Variants in DDX42 observed in about 807,000 individuals in gnomAD.
DDX42 encodes the protein DEAD-box helicase 42, also known as ATP-dependent RNA helicase DDX42.
In DDX42, 22 loss-of-function variants were observed where a neutral mutation model predicts 101.5. The ratio of observed to expected loss-of-function variants is 0.22; its 90% CI spans 0.15 to 0.31. The LOEUF (loss-of-function observed/expected upper bound fraction) is 0.31, where lower values mean the gene tolerates loss of function less well. Among genes scored for constraint, DDX42 ranks in the 10% least tolerant of loss-of-function variants. The pLI is 1.00. For missense variants in DDX42, 849 were observed against 1,199.9 expected, an observed-to-expected ratio of 0.71 and a Z score of 4.32; for synonymous variants, 402 against 401.2, an observed-to-expected ratio of 1.00 and a Z score of -0.02.
At chr17:63,808,340 A>G (rs1191488984) in intron 9 of DDX42, among the ~76,000 whole-genome samples, 1 of 151,974 alleles carries the variant, frequency 6.6e-6, no homozygotes, top group African/African-American at 2.4e-5. Context: ...CACCTGGCTA[A>G]TTTTTTTATT....
intron 2 of DDX42, among the ~76,000 whole-genome samples, chr17:63,791,735 G>A (rs9915552): frequency 0.7 from 106,609 of 152,110 alleles, 38,805 homozygotes; most frequent in African/African-American, 0.92. Flanking sequence ...GAATAAACTG[G>A]ATTTCTAATG....
chr17:63,809,577 T>C lies in DDX42; in HGVS notation c.1170T>C (p.His390=), dbSNP rs2039884249. 1.2e-6 allele frequency: 2 copies of C among 1,613,964 alleles called. No individual in the cohort carries two copies. The highest frequency in any genetic ancestry group is 1.7e-6 in the Non-Finnish European group (2 of 1,179,886). Residue 390 remains histidine (H), a synonymous_variant, in exon 11 of 18, where the codon CAT becomes CAC. Coordinates refer to ENST00000389924, the MANE Select transcript of DDX42 (RefSeq NM_203499.3). ...VVCTPGRLID[H]VKKKATNLQR... ...TCTTATAGGGTCGACTGATAGATCATGTGAAAAAGAAAGCTACCAATCTTC... is the reference window on the plus strand; with the variant it reads ...TCTTATAGGGTCGACTGATAGATCACGTGAAAAAGAAAGCTACCAATCTTC...
At chr17:63,811,009 A>C in intron 12 of DDX42, 67 bp from the exon 13 acceptor site, 1 of 1,321,894 alleles carries the variant, frequency 7.6e-7, no homozygotes, top group Non-Finnish European at 1.1e-6. Flanking sequence ...TGAATGCCAA[A>C]GAAGCTTAAT....
At chr17:63,801,183 G>A (rs950450710) in intron 6 of DDX42, among the ~76,000 whole-genome samples, 1 of 151,874 alleles carries the variant, frequency 6.6e-6, no homozygotes, top group Admixed American at 6.6e-5. Flanking sequence ...CTGGGTAACT[G>A]GGATTACAGG....
At chr17:63,802,754 T>C (rs965952404) in intron 6 of DDX42, among the ~76,000 whole-genome samples, 1 of 151,698 alleles carries the variant, frequency 6.6e-6, no homozygotes, top group Non-Finnish European at 1.5e-5. Context: ...CTACTAAAAA[T>C]ACAGAATTAG....
At chr17:63,778,517 G>A (rs2039448046) in intron 1 of DDX42, among the ~76,000 whole-genome samples, 1 of 152,160 alleles carries the variant, frequency 6.6e-6, no homozygotes, top group African/African-American at 2.4e-5. Flanking sequence ...TGAACTCTGA[G>A]TATGGCTGCA....
At chr17:63,781,125 G>A (rs1287586607) in intron 1 of DDX42, among the ~76,000 whole-genome samples, 1 of 152,010 alleles carries the variant, frequency 6.6e-6, no homozygotes, top group Non-Finnish European at 1.5e-5. Flanking sequence ...CTACTTACTT[G>A]CCAGGTACTC....
At chr17:63,776,671 G>A (rs1598318397) in intron 1 of DDX42, among the ~76,000 whole-genome samples, 1 of 134,994 alleles carries the variant, frequency 7.4e-6, no homozygotes, top group Non-Finnish European at 1.5e-5. Context: ...TGGCTGTGTT[G>A]CCCAGGCTGG....
intron 2 of DDX42, among the ~76,000 whole-genome samples, chr17:63,787,609 C>T (rs901873275): frequency 6.6e-6 from 1 of 152,010 alleles, no homozygotes; most frequent in African/African-American, 2.4e-5. Context: ...GAGGCCGAGA[C>T]GGATGGATCA....
intron 1 of DDX42, among the ~76,000 whole-genome samples, chr17:63,781,166 C>T (rs994973111): frequency 2.0e-5 from 3 of 152,160 alleles, no homozygotes; most frequent in African/African-American, 7.2e-5. Context: ...TCCATTGAAA[C>T]TGCTTTCACT....
chr17:63,792,020 C>T (rs1442201397), intron 2 of DDX42, among the ~76,000 whole-genome samples: 1 of 150,430 alleles, frequency 6.6e-6, no homozygotes, highest in Non-Finnish European at 1.5e-5. Flanking sequence ...GCACTCCAGC[C>T]TGGGCGATGA....
intron 14 of DDX42, among the ~76,000 whole-genome samples, chr17:63,812,948 C>T (rs2039930058): frequency 6.6e-6 from 1 of 152,118 alleles, no homozygotes; most frequent in African/African-American, 2.4e-5. Flanking sequence ...TTGCTTGAAC[C>T]AGGGAGTCGG....
chr17:63,794,364 C>T (rs750242260), intron 3 of DDX42, among the ~76,000 whole-genome samples: 13 of 151,642 alleles, frequency 8.6e-5, no homozygotes, highest in African/African-American at 1.9e-4. Flanking sequence ...GGCAGCATAG[C>T]GAGTCCCTGT....
At chr17:63,773,960 G>C (rs572343166), upstream of DDX42, 50 of 188,470 alleles carry the variant, frequency 2.7e-4, 6 homozygotes, top group East Asian at 6.3e-3. Context: ...TGGGATTTTT[G>C]GCTAGCCCCT....
chr17:63,776,102 T>C (rs1168196133), intron 1 of DDX42: 1 of 152,270 alleles, frequency 6.6e-6, no homozygotes, highest in Non-Finnish European at 1.5e-5. Context: ...TCACTGTCAC[T>C]AGAACTCTTC....
chr17:63,813,096 A>G, intron 14 of DDX42, 132 bp from the exon 15 acceptor site: 1 of 744,858 alleles, frequency 1.3e-6, no homozygotes. Flanking sequence ...ACATGCCTGT[A>G]TCTCAGCTCA....
chr17:63,817,874 G>C lies in DDX42; in HGVS notation c.2293G>C (p.Gly765Arg), dbSNP rs767391712. 1.2e-6 allele frequency: 2 copies of C among 1,614,208 alleles called. No individual in the cohort carries two copies. ...PVTSAAKGIP[G>R]FGNTGNISGA... ...CACCAGTGCCGCCAAGGGCATCCCA[G>C]GCTTTGGCAATACTGGCAACATCAG... Residue 765 changes from glycine to arginine, a missense_variant, in exon 18 of 18, where the codon GGC (glycine) becomes CGC (arginine). This residue lies in a region of DDX42 where 300 missense variants were observed against 304.9 expected (regional missense o/e 0.98). Coordinates refer to ENST00000389924, the MANE Select transcript of DDX42 (RefSeq NM_203499.3).
At chr17:63,792,335 T>C (rs1026817497) in intron 2 of DDX42, 77 bp from the exon 3 acceptor site, 10 of 1,483,424 alleles carry the variant, frequency 6.7e-6, no homozygotes, top group Admixed American at 1.9e-5. Context: ...TATACCATAA[T>C]AAAAATGTTG....
At chr17:63,809,764 T>C in intron 11 of DDX42, 105 bp downstream of exon 11, 1 of 857,300 alleles carries the variant, frequency 1.2e-6, no homozygotes, top group Non-Finnish European at 1.9e-6. Flanking sequence ...CTAAAAATAC[T>C]CCTGGATGGG....
Sources: allele counts gnomAD v4.1 joint callset (sites outside exome capture counted in the v4.1 genomes callset), GRCh38; gene constraint gnomAD v4.1.1; regional missense constraint gnomAD v4.1.1; transcripts MANE v1.5; gene names NCBI Gene and HGNC (gene_info 2026-07-23, HGNC 2026-07-21).